ZNF445: variants seen among roughly 807,000 people sequenced by gnomAD.
ZNF445 encodes zinc finger protein 445.
ZNF445 carries 19 observed loss-of-function variants against 93.9 expected under a neutral mutation model. The observed-to-expected ratio is 0.20, with a 90% CI of 0.14 to 0.30. The LOEUF (loss-of-function observed/expected upper bound fraction) is 0.30. Ranked by LOEUF, ZNF445 falls within the 10% of genes least tolerant of loss-of-function variation. The pLI, the probability that ZNF445 is intolerant of heterozygous loss-of-function variation, is 1.00. For synonymous variants in ZNF445, 449 were observed against 446.3 expected, an observed-to-expected ratio of 1.01 and a Z score of -0.08; for missense variants, 1,058 against 1,259.4, an observed-to-expected ratio of 0.84 and a Z score of 2.42.
chr3:44,440,652 G>A lies in ZNF445; in HGVS notation c.*5923C>T, dbSNP rs1697794480. ...CCCCAAGAGAGAGTTCTTGGACCTTGCTCAAGAAAAGAATTCGGGCGAGTC... is the reference window on the plus strand; with the variant it reads ...CCCCAAGAGAGAGTTCTTGGACCTTACTCAAGAAAAGAATTCGGGCGAGTC... On this transcript the variant is annotated 3_prime_UTR_variant, in exon 8 of 8. Coordinates refer to ENST00000396077, the MANE Select transcript of ZNF445 (RefSeq NM_181489.6). 1 of 152,190 alleles carries A rather than the reference G, an allele frequency of 6.6e-6. No individual in the cohort carries two copies. The highest frequency in any genetic ancestry group is 1.5e-5 in the Non-Finnish European group (1 of 68,042). 9.4% of individuals were successfully genotyped at this position (152,190 alleles called of 1,614,324 possible).
intron 1 of ZNF445, among the ~76,000 whole-genome samples, chr3:44,463,011 TTGTGTGTGTGTGTGTGTGTGTGTGTGTG>T (rs61329186): frequency 6.9e-6 from 1 of 144,456 alleles, no homozygotes; most frequent in Non-Finnish European, 1.5e-5. Context: ...ATTTTTTTCT[TTGTGTGTGTGTGTGTGTGTGTGTGTGTG>T]TGTGTGTGTG....
intron 1 of ZNF445, among the ~76,000 whole-genome samples, chr3:44,459,065 C>T (rs1698070992): frequency 6.6e-6 from 1 of 152,204 alleles, no homozygotes; most frequent in South Asian, 2.1e-4. Flanking sequence ...GACAACTGCA[C>T]TTGTGGAGGC....
chr3:44,476,416 C>G (rs1197063380), intron 1 of ZNF445, among the ~76,000 whole-genome samples: 3 of 150,748 alleles, frequency 2.0e-5, no homozygotes, highest in Non-Finnish European at 4.4e-5. Flanking sequence ...ATTAAGATAA[C>G]ATAAAAGAGC....
chr3:44,469,324 T>A (rs1278268351), intron 1 of ZNF445, among the ~76,000 whole-genome samples: 2 of 152,168 alleles, frequency 1.3e-5, no homozygotes, highest in East Asian at 1.9e-4. Flanking sequence ...TGGTCCCTCG[T>A]GGCCAGCAGA....
intron 2 of ZNF445, among the ~76,000 whole-genome samples, chr3:44,457,312 C>T (rs769098570): frequency 6.6e-6 from 1 of 151,966 alleles, no homozygotes; most frequent in Non-Finnish European, 1.5e-5. Flanking sequence ...CTTTCTGCTG[C>T]CCAGGCTGGA....
At chr3:44,465,949 A>T (rs1368754207) in intron 1 of ZNF445, among the ~76,000 whole-genome samples, 1 of 152,244 alleles carries the variant, frequency 6.6e-6, no homozygotes, top group East Asian at 1.9e-4. Context: ...ACAAACAAAC[A>T]AACTAGCTTT....
At chr3:44,473,453 T>TCACACACACACACA (rs377305681) in intron 1 of ZNF445, among the ~76,000 whole-genome samples, 5 of 60,846 alleles carry the variant, frequency 8.2e-5, no homozygotes, top group African/African-American at 4.1e-4. Context: ...AAACTCCACT[T>TCACACACACACACA]CACACACACA....
Position 44,446,474 on chromosome 3 carries a change from G to C in ZNF445, c.*101C>G, listed in dbSNP as rs1302627167. The C allele has an allele frequency of 6.6e-7, 1 of 1,525,616 alleles. No homozygotes were observed. The highest frequency in any genetic ancestry group is 8.8e-7 in the Non-Finnish European group (1 of 1,132,932). 94.5% of individuals were successfully genotyped at this position (1,525,616 alleles called of 1,614,324 possible). ...CTGTCACTAGCTTCCAAAACAGAAA[G>C]GGCTGGGCCCTTTATCAAAGTTACT... On this transcript the variant is annotated 3_prime_UTR_variant, in exon 8 of 8. Coordinates refer to ENST00000396077, the MANE Select transcript of ZNF445 (RefSeq NM_181489.6). This position sits in a 1 kb window ranked among gnomAD's most constrained non-coding sequence, Gnocchi z 4.2.
rs745509544 is a variant in ZNF445 at position 44,447,196 on chromosome 3, C to A, written c.2475G>T (p.Lys825Asn). The A allele has an allele frequency of 3.2e-5, 51 of 1,614,194 alleles. 1 individual carries two copies. The South Asian group carries it at 4.8e-4, about 15-fold the overall frequency. The change falls in exon 8 of 8, where the codon AAG (lysine) becomes AAT (asparagine). Residue 825 changes from lysine (K) to asparagine (N), a missense_variant. By Grantham distance (94) the Lys-to-Asn change is moderately conservative. This residue lies in a region of ZNF445 where 387 missense variants were observed against 475.7 expected (regional missense o/e 0.81). Transcript: ENST00000396077. The surrounding 1 kb of genome is among the most constrained non-coding windows in gnomAD (Gnocchi z 4.7). ...GGATTTTTGGCTCCACATTTGGAGT[C>A]TTTTCACTTTCATGGCAATCATACT... ...QKQYDCHESE[K>N]TPNVEPKILT...
chr3:44,457,960 C>T (rs968033422), intron 2 of ZNF445, among the ~76,000 whole-genome samples: 3 of 146,492 alleles, frequency 2.0e-5, no homozygotes, highest in African/African-American at 7.6e-5. Flanking sequence ...TTACAGTGAG[C>T]CAAGATCACA....
rs1697789952 is a variant in ZNF445, at chr3:44,440,515, A to T, written c.*6060T>A. On this transcript the variant is annotated 3_prime_UTR_variant, in exon 8 of 8. Coordinates refer to ENST00000396077, the MANE Select transcript of ZNF445 (RefSeq NM_181489.6). ...GTATATAGAGAACATCCTCATTTTT[A>T]AAAAAACTGTGGCCTGGTATTTCAT... The T allele has an allele frequency of 1.3e-5, 2 of 152,154 alleles. No homozygotes were observed. Among genetic ancestry groups the T allele is most frequent in the South Asian group, 2.1e-4 (1 of 4,828 alleles). 9.4% of individuals were successfully genotyped at this position (152,154 alleles called of 1,614,324 possible).
At position 44,442,399 on chromosome 3, in the gene ZNF445, A is replaced by G. The variant is rs1282354463; in HGVS notation, c.*4176T>C. On this transcript the variant is annotated 3_prime_UTR_variant, in exon 8 of 8. Coordinates refer to ENST00000396077, the MANE Select transcript of ZNF445 (RefSeq NM_181489.6). The stretch of plus-strand genomic sequence containing the variant: ...GCACACAACCTTCCAAGATTTTGCA[A>G]ATTGCCTGGCACAATATTTCTCACA... 1 of 152,184 alleles carries G rather than the reference A, an allele frequency of 6.6e-6. No individual in the cohort carries two copies. Among genetic ancestry groups the G allele is most frequent in the African/African-American group, 2.4e-5 (1 of 41,436 alleles). The allele number at this position is 152,184 out of a possible 1,614,324, so 9.4% of individuals were successfully genotyped here. A position where few individuals can be genotyped will look rare whatever the true frequency, so the allele number is the denominator to read the frequency against.
chr3:44,449,627 C>T lies in ZNF445; in HGVS notation c.821-4G>A. On this transcript the variant is annotated splice_region_variant and splice_polypyrimidine_tract_variant and intron_variant, in intron 6 of 7. Transcript: ENST00000396077. ...GCAGGTTTGGTGAATGGTCCCACTG[C>T]AGAAGAGAAGAGAATGGCATGAGAA... 1.9e-6 allele frequency: 3 copies of T among 1,610,298 alleles called. No homozygotes were observed. The highest frequency in any genetic ancestry group is 2.2e-5 in the South Asian group (2 of 90,972).
In ZNF445 at chr3:44,438,052, C is replaced by G. The variant is rs1345970814; in HGVS notation, c.*8523G>C. ...ATTCAACATGGAGTTGCTCTCGTTC[C>G]AATGCTTCTGACGCTATCTCTACAG... On this transcript the variant is annotated 3_prime_UTR_variant, in exon 8 of 8. Transcript: ENST00000396077. 1 of 152,284 alleles carries G rather than the reference C, an allele frequency of 6.6e-6. No homozygotes were observed. The highest frequency in any genetic ancestry group is 2.4e-5 in the African/African-American group (1 of 41,406). 9.4% of individuals were successfully genotyped at this position (152,284 alleles called of 1,614,324 possible).
intron 1 of ZNF445, among the ~76,000 whole-genome samples, chr3:44,470,854 G>A (rs972418467): frequency 6.6e-6 from 1 of 152,088 alleles, no homozygotes; most frequent in Non-Finnish European, 1.5e-5. Context: ...TTCTTGAGGG[G>A]GGACTTGAGT....
At chr3:44,473,987 G>A (rs1698308667) in intron 1 of ZNF445, among the ~76,000 whole-genome samples, 1 of 152,196 alleles carries the variant, frequency 6.6e-6, no homozygotes, top group Non-Finnish European at 1.5e-5. Context: ...TGCCTAGAAG[G>A]AATGAAGGAA....
At chr3:44,476,048 A>T (rs1698347418) in intron 1 of ZNF445, among the ~76,000 whole-genome samples, 1 of 152,196 alleles carries the variant, frequency 6.6e-6, no homozygotes, top group Non-Finnish European at 1.5e-5. Flanking sequence ...TAAATTTAAG[A>T]ATAGGAAGGA....
intron 3 of ZNF445, among the ~76,000 whole-genome samples, chr3:44,454,263 GCTCTT>G: frequency 6.6e-6 from 1 of 151,494 alleles, no homozygotes; most frequent in African/African-American, 2.4e-5. Flanking sequence ...CCTGCAGAGC[GCTCTT>G]CTGAGTTTTA....
chr3:44,446,405 G>T lies in ZNF445; in HGVS notation c.*170C>A. 1 of 913,268 alleles carries T rather than the reference G, an allele frequency of 1.1e-6. No homozygotes were observed. Among genetic ancestry groups the T allele is most frequent in the Non-Finnish European group, 1.6e-6 (1 of 618,436 alleles). 56.6% of individuals were successfully genotyped at this position (913,268 alleles called of 1,614,324 possible). ...TGCACTTCCCCAGCGTCACATCCTA[G>T]CAGGCAGGCTGGGGACTCCCCGAGC... On this transcript the variant is annotated 3_prime_UTR_variant, in exon 8 of 8. Coordinates refer to ENST00000396077, the MANE Select transcript of ZNF445 (RefSeq NM_181489.6). The surrounding 1 kb of genome is among the most constrained non-coding windows in gnomAD (Gnocchi z 4.2).
Sources: allele counts gnomAD v4.1 joint callset (sites outside exome capture counted in the v4.1 genomes callset), GRCh38; gene constraint gnomAD v4.1.1; regional missense constraint gnomAD v4.1.1; non-coding constraint Gnocchi (gnomAD v3.1); transcripts MANE v1.5; gene names NCBI Gene and HGNC (gene_info 2026-07-23, HGNC 2026-07-21).